Variants in KIAA0232 observed in about 807,000 individuals in gnomAD.
KIAA0232 encodes the protein uncharacterized protein KIAA0232.
KIAA0232 carries 27 observed loss-of-function variants against 122.0 expected under a neutral mutation model. The ratio of observed to expected loss-of-function variants is 0.22; its 90% CI spans 0.16 to 0.31. KIAA0232 has a LOEUF of 0.31. Ranked by LOEUF, KIAA0232 falls within the 10% of genes least tolerant of loss-of-function variation. KIAA0232 has a pLI of 1.00. For missense variants in KIAA0232, 1,551 were observed against 1,634.2 expected (o/e 0.95, Z 0.88); for synonymous variants, 613 against 587.6 (o/e 1.04, Z -0.63).
intron 9 of KIAA0232, among the ~76,000 whole-genome samples, chr4:6,877,326 G>A (rs1358862101): frequency 6.6e-6 from 1 of 152,232 alleles, no homozygotes; most frequent in Non-Finnish European, 1.5e-5. Context: ...CACCACGAAG[G>A]CGGGAGCGGG....
Position 6,876,650 on chromosome 4 carries a change from A to G in KIAA0232, c.3911-10A>G. The G allele has an allele frequency of 6.4e-7, 1 of 1,569,380 alleles. No individual in the cohort carries two copies. Among genetic ancestry groups the G allele is most frequent in the Non-Finnish European group, 8.8e-7 (1 of 1,139,354 alleles). On this transcript the variant is annotated splice_polypyrimidine_tract_variant and intron_variant, in intron 8 of 9. Transcript: ENST00000307659. ...TCCCTCTTTTCCCTTCTCCATTCCA[A>G]ATGATTAAGAATGTTACACAAATGC...
chr4:6,870,881 G>C (rs757178306), intron 7 of KIAA0232, among the ~76,000 whole-genome samples: 9 of 152,076 alleles, frequency 5.9e-5, no homozygotes, highest in Non-Finnish European at 1.0e-4. Flanking sequence ...AGGGAGAAGA[G>C]GGTTCCCCCT....
intron 2 of KIAA0232, among the ~76,000 whole-genome samples, chr4:6,823,934 C>G (rs776713404): frequency 6.6e-6 from 1 of 152,074 alleles, no homozygotes; most frequent in African/African-American, 2.4e-5. Flanking sequence ...AGGACAGCCT[C>G]GAACTCCTGG....
chr4:6,788,989 G>A (rs1370487436), intron 1 of KIAA0232, among the ~76,000 whole-genome samples: 15 of 149,500 alleles, frequency 1.0e-4, no homozygotes, highest in Non-Finnish European at 2.1e-4. Flanking sequence ...TTTTTATTTT[G>A]AGACAGAATC....
intron 2 of KIAA0232, among the ~76,000 whole-genome samples, chr4:6,817,588 G>C (rs770401006): frequency 3.3e-4 from 50 of 152,284 alleles, no homozygotes; most frequent in Non-Finnish European, 5.9e-4. Flanking sequence ...GATGTTACCA[G>C]TTATAATTCC....
intron 4 of KIAA0232, among the ~76,000 whole-genome samples, chr4:6,849,769 A>G (rs77904147): frequency 6.8e-6 from 1 of 147,726 alleles, no homozygotes; most frequent in African/African-American, 2.5e-5. Flanking sequence ...TCGGTCTCCA[A>G]AAAAAAAAAA....
Position 6,861,781 on chromosome 4 carries a change from G to C in KIAA0232, c.1399G>C (p.Asp467His). 1 of 1,614,122 alleles carries C rather than the reference G, an allele frequency of 6.2e-7. No homozygotes were observed. The highest frequency in any genetic ancestry group is 8.5e-7 in the Non-Finnish European group (1 of 1,180,020). ...KTYLAAGTFI[D>H]GHFVEMPAVI... ...ATACCTCGCAGCAGGTACTTTCATT[G>C]ATGGTCATTTTGTAGAAATGCCTGC... is the stretch of plus-strand genomic sequence containing the variant. The change falls in exon 7 of 10, where the codon GAT (aspartate) becomes CAT (histidine). Residue 467 changes from aspartate to histidine, a missense_variant. This residue lies in a region of KIAA0232 where 1,108 missense variants were observed against 1,154.8 expected (regional missense o/e 0.96). Transcript: ENST00000307659.
At chr4:6,880,665 T>C in intron 9 of KIAA0232, 122 bp from the exon 10 acceptor site, 1 of 660,514 alleles carries the variant, frequency 1.5e-6, no homozygotes, top group Non-Finnish European at 2.2e-6. Flanking sequence ...ACTCTGCATG[T>C]TTGTAACTCC....
At position 6,862,680 on chromosome 4, in the gene KIAA0232, T is replaced by C. The variant is rs1353033990; in HGVS notation, c.2298T>C (p.Thr766=). Reference sequence around the variant, plus strand: ...TTCTAGATTTTTTGCAAGATGAAACTTGCCAGCAAAACAGTAGAACTTTAG... The same window carrying C: ...TTCTAGATTTTTTGCAAGATGAAACCTGCCAGCAAAACAGTAGAACTTTAG... ...EELLDFLQDE[T]CQQNSRTLGE... Residue 766 remains threonine, a synonymous_variant, in exon 7 of 10, where the codon ACT becomes ACC. Coordinates refer to ENST00000307659, the MANE Select transcript of KIAA0232 (RefSeq NM_014743.3). The C allele has an allele frequency of 6.2e-7, 1 of 1,610,750 alleles. No individual in the cohort carries two copies. Among genetic ancestry groups the C allele is most frequent in the Non-Finnish European group, 8.5e-7 (1 of 1,179,198 alleles).
intron 4 of KIAA0232, among the ~76,000 whole-genome samples, chr4:6,850,349 C>T (rs867743206): frequency 3.3e-5 from 5 of 152,186 alleles, no homozygotes; most frequent in Admixed American, 6.5e-5. Context: ...CACCATCATA[C>T]CCCGCTTGGT....
chr4:6,859,168 C>A lies in KIAA0232; in HGVS notation c.518+662C>A, dbSNP rs553616198. 5.3e-5 allele frequency among the ~76,000 whole-genome samples: 8 copies of A among 150,088 alleles called. No homozygotes were observed. In the East Asian group the frequency reaches 1.6e-3, roughly 29 times the overall value. ...TTATCCATGTTCACAAGCAAGAACA[C>A]TGAGTTCCCACTGTTTACTGCAGAG... On this transcript the variant is annotated intron_variant, in intron 6 of 9. Transcript: ENST00000307659.
chr4:6,784,827 T>C (rs1392056527), intron 1 of KIAA0232, among the ~76,000 whole-genome samples: 2 of 152,156 alleles, frequency 1.3e-5, no homozygotes, highest in African/African-American at 4.8e-5. Context: ...GGTGCTTTTT[T>C]GTTTGCTTTG....
In KIAA0232 at chr4:6,871,561, T is replaced by G. The variant is rs761562092; in HGVS notation, c.3802-13T>G. 34 of 1,452,416 alleles carry G rather than the reference T, an allele frequency of 2.3e-5. No homozygotes were observed. The highest frequency in any genetic ancestry group is 3.1e-5 in the Non-Finnish European group (33 of 1,047,938). 90.0% of individuals were successfully genotyped at this position (1,452,416 alleles called of 1,614,324 possible). A position where few individuals can be genotyped will look rare whatever the true frequency, so the allele number is the denominator to read the frequency against. ...TTTATAAACTTTTTCTGTATTTGGT[T>G]TAATCTAAACAGTTCCCTGTATTGA... On this transcript the variant is annotated splice_polypyrimidine_tract_variant and intron_variant, in intron 7 of 9. Transcript: ENST00000307659.
chr4:6,844,725 C>T (rs113514204), intron 4 of KIAA0232, among the ~76,000 whole-genome samples: 5 of 152,272 alleles, frequency 3.3e-5, no homozygotes, highest in East Asian at 1.9e-4. Context: ...TGTGAGCCAC[C>T]GTGCCTGGCC....
At chr4:6,821,216 C>T (rs1186232061) in intron 2 of KIAA0232, among the ~76,000 whole-genome samples, 1 of 152,016 alleles carries the variant, frequency 6.6e-6, no homozygotes, top group Non-Finnish European at 1.5e-5. Context: ...TAATTTTTTG[C>T]TTTTTATTTT....
intron 2 of KIAA0232, among the ~76,000 whole-genome samples, chr4:6,823,615 TA>T (rs1718522373): frequency 6.6e-6 from 1 of 152,190 alleles, no homozygotes; most frequent in Admixed American, 6.5e-5. Flanking sequence ...TCAATGAAAT[TA>T]CTCTTCATCT....
At chr4:6,842,874 C>A (rs539549289) in intron 4 of KIAA0232, among the ~76,000 whole-genome samples, 1 of 152,216 alleles carries the variant, frequency 6.6e-6, no homozygotes, top group Non-Finnish European at 1.5e-5. Context: ...TAGGCATGAG[C>A]CATCGCGCCC....
At chr4:6,864,918 A>C (rs1056668735) in intron 7 of KIAA0232, among the ~76,000 whole-genome samples, 3 of 152,204 alleles carry the variant, frequency 2.0e-5, no homozygotes, top group African/African-American at 7.2e-5. Flanking sequence ...CATATAAAAC[A>C]AATTATATCT....
At position 6,855,790 on chromosome 4, in the gene KIAA0232, G is replaced by A. The variant is rs1232275724; in HGVS notation, c.370-1374G>A. 5 of 963,002 alleles carry A rather than the reference G, an allele frequency of 5.2e-6. No homozygotes were observed. The highest frequency in any genetic ancestry group is 6.2e-5 in the Admixed American group (1 of 16,228). The allele number at this position is 963,002 out of a possible 1,614,324, so 59.7% of individuals were successfully genotyped here. ...TAGGTTTAGAAACCTAGTGACATAG[G>A]CTTGCTGTACAGAACAGTATGCAGT... is the stretch of plus-strand genomic sequence containing the variant. On this transcript the variant is annotated intron_variant, in intron 4 of 9. Transcript: ENST00000307659. This position sits in a 1 kb window ranked among gnomAD's most constrained non-coding sequence, Gnocchi z 4.3.
Sources: gnomAD v4.1 joint callset for allele counts (sites outside exome capture counted in the v4.1 genomes callset) on GRCh38, gnomAD v4.1.1 for gene constraint, gnomAD v4.1.1 regional missense constraint, Gnocchi (gnomAD v3.1) non-coding constraint, MANE v1.5 for transcripts, NCBI Gene and HGNC (gene_info 2026-07-23, HGNC 2026-07-21) for gene names.